Variants in PRKCH observed in about 807,000 individuals in gnomAD.
The protein encoded by PRKCH is protein kinase C eta type.
A neutral mutation model predicts 82.5 loss-of-function variants in PRKCH; 28 were observed. The observed-to-expected ratio is 0.34, with a 90% confidence interval of 0.25 to 0.47. The LOEUF (loss-of-function observed/expected upper bound fraction) is 0.47. Among genes scored for constraint, PRKCH ranks in the 20% least tolerant of loss-of-function variants. The pLI, the probability that PRKCH is intolerant of heterozygous loss-of-function variation, is 1.00. For synonymous variants in PRKCH, 322 were observed against 327.4 expected (o/e 0.98, Z 0.18); for missense variants, 705 against 881.8 (o/e 0.80, Z 2.54).
chr14:61,457,386 T>C, intron 8 of PRKCH, 67 bp downstream of exon 8: 1 of 1,596,232 alleles, frequency 6.3e-7, no homozygotes, highest in Non-Finnish European at 8.6e-7. Context: ...TGTGTGTGTG[T>C]GTGCACGCAT....
intron 1 of PRKCH, among the ~76,000 whole-genome samples, chr14:61,330,889 C>T (rs1450662712): frequency 1.3e-5 from 2 of 151,912 alleles, no homozygotes; most frequent in East Asian, 1.9e-4. Flanking sequence ...CCCTGGGCCA[C>T]GTTGGAAGAA....
chr14:61,497,996 C>G (rs1293362132), intron 10 of PRKCH, among the ~76,000 whole-genome samples: 3 of 152,030 alleles, frequency 2.0e-5, no homozygotes, highest in South Asian at 4.2e-4. Context: ...GTCTTTTTAT[C>G]ATTAAAAAAA....
chr14:61,509,096 A>T (rs1887270156), intron 10 of PRKCH, among the ~76,000 whole-genome samples: 1 of 152,134 alleles, frequency 6.6e-6, no homozygotes. Flanking sequence ...CTATGCAGAG[A>T]TAGAAGTGGA....
chr14:61,246,883 C>T (rs190679636), intron 1 of PRKCH, among the ~76,000 whole-genome samples: 89 of 152,236 alleles, frequency 5.8e-4, no homozygotes, highest in Admixed American at 6.5e-4. Context: ...CCACTGTGTC[C>T]GGCCATGTCA....
At chr14:61,191,643 A>G (rs2044407342) in intron 1 of PRKCH, among the ~76,000 whole-genome samples, 2 of 147,182 alleles carry the variant, frequency 1.4e-5, no homozygotes, top group South Asian at 4.4e-4. Flanking sequence ...ACTGCACTGC[A>G]GCCCTGTCTC....
At chr14:61,291,713 C>G (rs1460191727) in intron 1 of PRKCH, among the ~76,000 whole-genome samples, 1 of 152,152 alleles carries the variant, frequency 6.6e-6, no homozygotes, top group Non-Finnish European at 1.5e-5. Context: ...CTCTATATTT[C>G]TTGTAATTGG....
intron 1 of PRKCH, chr14:61,279,877 G>A (rs1026435846): frequency 1.7e-6 from 1 of 572,474 alleles, no homozygotes; most frequent in Admixed American, 3.2e-5. Context: ...AGTTTGCAAG[G>A]ATGTTTCACT....
At chr14:61,269,123 C>T (rs1028338957) in intron 1 of PRKCH, among the ~76,000 whole-genome samples, 1 of 151,920 alleles carries the variant, frequency 6.6e-6, no homozygotes, top group African/African-American at 2.4e-5. Flanking sequence ...AAAGTTAGAG[C>T]CAAAAATTTT....
chr14:61,338,516 A>C (rs2140135141), intron 1 of PRKCH, among the ~76,000 whole-genome samples: 1 of 152,308 alleles, frequency 6.6e-6, no homozygotes, highest in Non-Finnish European at 1.5e-5. Context: ...CAAAATGTTA[A>C]CTTTTGTTTG....
intron 1 of PRKCH, among the ~76,000 whole-genome samples, chr14:61,188,616 GTGTGTGTGTGTGTGTGTGT>G (rs2044385764): frequency 1.2e-4 from 4 of 34,578 alleles, no homozygotes; most frequent in Admixed American, 5.3e-4. Context: ...GGTGTGGTGT[GTGTGTGTGTGTGTGTGTGT>G]GTGTGTGTGT....
At chr14:61,383,205 AT>A (rs1184267823) in intron 1 of PRKCH, among the ~76,000 whole-genome samples, 4 of 152,016 alleles carry the variant, frequency 2.6e-5, no homozygotes, top group Non-Finnish European at 5.9e-5. Context: ...GAGTGCTTTT[AT>A]TTTTTACAAA....
intron 1 of PRKCH, among the ~76,000 whole-genome samples, chr14:61,238,269 C>T (rs1378975732): frequency 6.6e-6 from 1 of 152,172 alleles, no homozygotes; most frequent in Non-Finnish European, 1.5e-5. Flanking sequence ...AAATTCTCCA[C>T]CCCTGACCAT....
intron 1 of PRKCH, among the ~76,000 whole-genome samples, chr14:61,293,598 A>C (rs2045381741): frequency 6.6e-6 from 1 of 152,174 alleles, no homozygotes; most frequent in South Asian, 2.1e-4. Flanking sequence ...TTTTTTTTAA[A>C]ATTGTTAAAA....
intron 1 of PRKCH, among the ~76,000 whole-genome samples, chr14:61,235,651 CA>C (rs2044781483): frequency 6.6e-6 from 1 of 152,216 alleles, no homozygotes; most frequent in Non-Finnish European, 1.5e-5. Flanking sequence ...GAGATGCAAC[CA>C]CTTTACATAA....
At chr14:61,224,577 G>A (rs1178446110) in intron 1 of PRKCH, among the ~76,000 whole-genome samples, 3 of 152,210 alleles carry the variant, frequency 2.0e-5, no homozygotes, top group South Asian at 2.1e-4. Context: ...ATGTCCCTCC[G>A]TTGGGGTTTA....
At chr14:61,522,469 C>T (rs541897123) in intron 10 of PRKCH, among the ~76,000 whole-genome samples, 24 of 152,286 alleles carry the variant, frequency 1.6e-4, no homozygotes, top group African/African-American at 5.3e-4. Flanking sequence ...ACCCAGGACT[C>T]CAACCACACT....
chr14:61,283,155 C>T (rs571746147), intron 1 of PRKCH, among the ~76,000 whole-genome samples: 59 of 152,084 alleles, frequency 3.9e-4, no homozygotes, highest in Middle Eastern at 3.4e-3. Flanking sequence ...TAGGTGTGAG[C>T]CATCACACCA....
At chr14:61,251,525 G>A (rs1359888710) in intron 1 of PRKCH, among the ~76,000 whole-genome samples, 1 of 152,146 alleles carries the variant, frequency 6.6e-6, no homozygotes, top group African/African-American at 2.4e-5. Context: ...GTTGAAAATG[G>A]TGGGATCTCT....
chr14:61,387,027 C>G (rs1244451481), intron 1 of PRKCH, among the ~76,000 whole-genome samples: 2 of 152,174 alleles, frequency 1.3e-5, no homozygotes, highest in Non-Finnish European at 2.9e-5. Context: ...TCAGCTCTCC[C>G]CTCTTTGTTG....
Sources: gnomAD v4.1 joint callset for allele counts (sites outside exome capture counted in the v4.1 genomes callset) on GRCh38, gnomAD v4.1.1 for gene constraint, MANE v1.5 for transcripts, NCBI Gene and HGNC (gene_info 2026-07-23, HGNC 2026-07-21) for gene names.